MGAT4C: variants seen among roughly 807,000 people sequenced by gnomAD.
MGAT4C encodes the protein MGAT4 family member C, also known as alpha-1,3-mannosyl-glycoprotein 4-beta-N-acetylglucosaminyltransferase C.
In MGAT4C, 19 loss-of-function variants were observed where a neutral mutation model predicts 40.1. That is an observed-to-expected ratio of 0.47 (90% CI 0.33 to 0.70). MGAT4C has a LOEUF of 0.70. MGAT4C is among the 30% of genes least tolerant of loss of function. The probability of loss-of-function intolerance (pLI) is 0.02; values close to 1 mark genes in which losing one functional copy is unlikely to be tolerated. For synonymous variants in MGAT4C, 181 were observed against 187.1 expected, an observed-to-expected ratio of 0.97 and a Z score of 0.27; for missense variants, 491 against 563.2, an observed-to-expected ratio of 0.87 and a Z score of 1.30.
At chr12:86,096,323 A>G (rs1425043540) in intron 1 of MGAT4C, among the ~76,000 whole-genome samples, 1 of 151,146 alleles carries the variant, frequency 6.6e-6, no homozygotes, top group Non-Finnish European at 1.5e-5. Flanking sequence ...ATTTATTTAT[A>G]TTTGTTTTGC....
chr12:85,992,976 G>C (rs1305468277), intron 2 of MGAT4C, among the ~76,000 whole-genome samples: 2 of 152,200 alleles, frequency 1.3e-5, no homozygotes, highest in Non-Finnish European at 2.9e-5. Flanking sequence ...TCTTCCCTAT[G>C]CGGGTTCTCT....
At chr12:86,507,178 TAAG>T (rs1958485817) in intron 2 of MGAT4C, among the ~76,000 whole-genome samples, 1 of 152,202 alleles carries the variant, frequency 6.6e-6, no homozygotes, top group African/African-American at 2.4e-5. Context: ...TGAGTTTTTG[TAAG>T]AAAACTATCT....
At chr12:86,186,975 T>C (rs1888830217) in intron 1 of MGAT4C, among the ~76,000 whole-genome samples, 1 of 152,064 alleles carries the variant, frequency 6.6e-6, no homozygotes, top group Non-Finnish European at 1.5e-5. Context: ...AATCTATATA[T>C]TGTATTACTG....
intron 3 of MGAT4C, among the ~76,000 whole-genome samples, chr12:86,410,888 C>T (rs946662624): frequency 1.3e-5 from 2 of 152,112 alleles, no homozygotes; most frequent in African/African-American, 4.8e-5. Context: ...CATTCGGGGT[C>T]CCTGACTTCC....
At chr12:86,753,125 G>A (rs910363873) in intron 1 of MGAT4C, among the ~76,000 whole-genome samples, 5 of 152,086 alleles carry the variant, frequency 3.3e-5, no homozygotes, top group African/African-American at 1.2e-4. Context: ...CCAAAGTCTG[G>A]CCATAAACTG....
intron 1 of MGAT4C, among the ~76,000 whole-genome samples, chr12:86,768,773 T>A (rs1057349563): frequency 9.2e-5 from 14 of 152,126 alleles, no homozygotes; most frequent in Non-Finnish European, 1.8e-4. Flanking sequence ...GGGGAAAGGA[T>A]TCCCTATTTA....
At chr12:86,602,221 C>T (rs955499094) in intron 2 of MGAT4C, among the ~76,000 whole-genome samples, 1 of 152,158 alleles carries the variant, frequency 6.6e-6, no homozygotes, top group African/African-American at 2.4e-5. Context: ...CACAGCCTGC[C>T]GGGCCAAGTG....
intron 2 of MGAT4C, among the ~76,000 whole-genome samples, chr12:86,592,320 G>C (rs986133917): frequency 2.0e-5 from 3 of 151,946 alleles, no homozygotes; most frequent in African/African-American, 7.2e-5. Context: ...TCTACTTACT[G>C]TGTGATTTTG....
chr12:86,518,896 G>C (rs1958743519), intron 2 of MGAT4C, among the ~76,000 whole-genome samples: 1 of 151,942 alleles, frequency 6.6e-6, no homozygotes, highest in Non-Finnish European at 1.5e-5. Context: ...ACATAAAATG[G>C]ATGAATCAAT....
intron 2 of MGAT4C, among the ~76,000 whole-genome samples, chr12:86,677,341 T>G (rs1199477294): frequency 6.6e-6 from 1 of 152,150 alleles, no homozygotes; most frequent in Non-Finnish European, 1.5e-5. Context: ...AATTAGGAGT[T>G]AGTACTAACT....
At chr12:86,814,398 A>G (rs535905739) in intron 1 of MGAT4C, among the ~76,000 whole-genome samples, 23 of 133,352 alleles carry the variant, frequency 1.7e-4, no homozygotes, top group South Asian at 4.9e-4. Context: ...ATATATATAC[A>G]TATATATACA....
At chr12:86,238,135 A>G (rs1592544568) in intron 1 of MGAT4C, among the ~76,000 whole-genome samples, 2 of 152,046 alleles carry the variant, frequency 1.3e-5, no homozygotes, top group East Asian at 3.9e-4. Context: ...AAAAAAATGC[A>G]TTAGTGGCTT....
At chr12:86,022,938 A>T (rs897593568) in intron 2 of MGAT4C, among the ~76,000 whole-genome samples, 2 of 152,164 alleles carry the variant, frequency 1.3e-5, no homozygotes, top group African/African-American at 4.8e-5. Flanking sequence ...GTAAGATAAG[A>T]GTAGGAAAGA....
At chr12:86,395,489 C>A (rs180853625) in intron 3 of MGAT4C, among the ~76,000 whole-genome samples, 5 of 152,188 alleles carry the variant, frequency 3.3e-5, no homozygotes, top group Admixed American at 2.6e-4. Context: ...TGTGTATCAT[C>A]CAACAAGTAA....
intron 2 of MGAT4C, among the ~76,000 whole-genome samples, chr12:86,462,238 A>G (rs141271181): frequency 1.5e-3 from 230 of 152,346 alleles, no homozygotes; most frequent in African/African-American, 5.2e-3. Context: ...CACATTAGGA[A>G]ATTTCCTGTT....
intron 2 of MGAT4C, among the ~76,000 whole-genome samples, chr12:86,715,918 C>A (rs970237146): frequency 6.6e-6 from 1 of 151,882 alleles, no homozygotes; most frequent in Admixed American, 6.6e-5. Context: ...AAGGAAAGAG[C>A]AAACAAAACT....
rs111439266 is a variant in MGAT4C at position 86,474,313 on chromosome 12, T to G, written c.-228-39048A>C. ...GCATTTTCTCACTCATAGGTGAGAATTGAACAATGAGAACACATGGACACA... is the reference window on the plus strand; with the variant it reads ...GCATTTTCTCACTCATAGGTGAGAAGTGAACAATGAGAACACATGGACACA... On this transcript the variant is annotated intron_variant, in intron 2 of 7. Coordinates refer to the MGAT4C transcript ENST00000548651. 1.9e-3 allele frequency among the ~76,000 whole-genome samples: 257 copies of G among 137,558 alleles called. 2 individuals are homozygous for G. The highest frequency in any genetic ancestry group is 6.7e-3 in the African/African-American group (244 of 36,528). The allele number at this position is 137,558 out of a possible 152,430, so 90.2% of individuals were successfully genotyped here.
chr12:86,789,637 C>A (rs903111324), intron 1 of MGAT4C, among the ~76,000 whole-genome samples: 1 of 151,962 alleles, frequency 6.6e-6, no homozygotes, highest in African/African-American at 2.4e-5. Context: ...GCTTGATTCT[C>A]CTTGACTGAA....
At chr12:86,372,459 C>A (rs908189372) in intron 3 of MGAT4C, among the ~76,000 whole-genome samples, 2 of 151,734 alleles carry the variant, frequency 1.3e-5, no homozygotes, top group African/African-American at 2.4e-5. Context: ...ATATTTTATA[C>A]AAGGTACAAA....
Sources: gnomAD v4.1 joint callset for allele counts (sites outside exome capture counted in the v4.1 genomes callset) on GRCh38, gnomAD v4.1.1 for gene constraint, MANE v1.5 for transcripts, NCBI Gene and HGNC (gene_info 2026-07-23, HGNC 2026-07-21) for gene names.